SORBS2: variants seen among roughly 807,000 people sequenced by gnomAD.
SORBS2 encodes sorbin and SH3 domain-containing protein 2.
SORBS2 carries 46 observed loss-of-function variants against 97.7 expected under a neutral mutation model. The ratio of observed to expected loss-of-function variants is 0.47; its 90% CI spans 0.37 to 0.60. The LOEUF is 0.60. SORBS2 is among the 20% of genes least tolerant of loss of function. The pLI, the probability that SORBS2 is intolerant of heterozygous loss-of-function variation, is 0.00. For missense variants in SORBS2, 1,316 were observed against 1,282.3 expected, an observed-to-expected ratio of 1.03 and a Z score of -0.40; for synonymous variants, 476 against 473.4, an observed-to-expected ratio of 1.01 and a Z score of -0.07.
chr4:185,684,384 C>G lies in SORBS2; in HGVS notation c.-197-5562G>C, dbSNP rs1216831233. ...CTTTCAAAACTAATGTTCTATCATT[C>G]TGTTCACAACCTTTGACAAAGAATC... On this transcript the variant is annotated intron_variant, in intron 2 of 20. Coordinates refer to the SORBS2 transcript ENST00000284776. The surrounding 1 kb of genome is among the most constrained non-coding windows in gnomAD (Gnocchi z 4.2). 6.6e-6 allele frequency among the ~76,000 whole-genome samples: 1 copy of G among 152,104 alleles called. No individual in the cohort carries two copies. The highest frequency in any genetic ancestry group is 1.9e-4 in the East Asian group (1 of 5,202).
intron 1 of SORBS2, among the ~76,000 whole-genome samples, chr4:185,911,544 G>A (rs1240459777): frequency 3.3e-5 from 5 of 151,962 alleles, no homozygotes; most frequent in South Asian, 2.1e-4. Flanking sequence ...CCTTGAGTGC[G>A]CAAGTTTCCC....
intron 1 of SORBS2, among the ~76,000 whole-genome samples, chr4:185,804,462 C>T (rs1311476568): frequency 6.6e-6 from 1 of 152,198 alleles, no homozygotes; most frequent in Non-Finnish European, 1.5e-5. Flanking sequence ...AATAATACAA[C>T]ATGTAAAGTG....
At chr4:185,656,117 T>C (rs1410601077) in intron 1 of SORBS2, among the ~76,000 whole-genome samples, 1 of 152,204 alleles carries the variant, frequency 6.6e-6, no homozygotes, top group Non-Finnish European at 1.5e-5. Flanking sequence ...GTAATCATCA[T>C]AAAATGAAGA....
chr4:185,599,815 G>C (rs910868648), intron 12 of SORBS2, among the ~76,000 whole-genome samples: 2 of 152,292 alleles, frequency 1.3e-5, no homozygotes, highest in African/African-American at 2.4e-5. Context: ...CCAGGTGGTC[G>C]CTTCATCTTC....
At chr4:185,889,297 T>C (rs2099241273) in intron 1 of SORBS2, among the ~76,000 whole-genome samples, 1 of 152,114 alleles carries the variant, frequency 6.6e-6, no homozygotes. Context: ...AATGTTAAAA[T>C]AGAGAAAGAA....
At chr4:185,673,799 C>T (rs80282866) in intron 4 of SORBS2, among the ~76,000 whole-genome samples, 15 of 152,314 alleles carry the variant, frequency 9.8e-5, no homozygotes, top group African/African-American at 3.6e-4. Context: ...GCCTCCTTCC[C>T]CACTATGGAA....
chr4:185,918,728 C>T (rs1329407857), intron 1 of SORBS2, among the ~76,000 whole-genome samples: 2 of 152,212 alleles, frequency 1.3e-5, no homozygotes, highest in African/African-American at 4.8e-5. Context: ...ATCACGGTCA[C>T]AGCACCGAAA....
intron 1 of SORBS2, among the ~76,000 whole-genome samples, chr4:185,916,212 T>C (rs1481074276): frequency 1.3e-5 from 2 of 152,030 alleles, no homozygotes; most frequent in Non-Finnish European, 2.9e-5. Flanking sequence ...AATTTCAGAG[T>C]CCAGGTAGAA....
At position 185,785,035 on chromosome 4, in the gene SORBS2, C is replaced by G. The variant is rs535766748; in HGVS notation, c.-337-9669G>C. 2.6e-5 allele frequency among the ~76,000 whole-genome samples: 4 copies of G among 151,834 alleles called. No homozygotes were observed. The East Asian group carries it at 7.8e-4, about 29-fold the overall frequency. ...ATCAACAGGAAACACAAAACAGGAA[C>G]GCATTGTTTATTCTGTTCTCGGTGG... On this transcript the variant is annotated intron_variant, in intron 1 of 20. Coordinates refer to the SORBS2 transcript ENST00000284776.
exon 10 of SORBS2, chr4:185,615,122 G>C: frequency 6.2e-7 from 1 of 1,613,278 alleles, no homozygotes; most frequent in South Asian, 1.1e-5. Context: ...ATTTTCCTGA[G>C]GATGTAGACA....
At chr4:185,895,872 A>T (rs1053837367) in intron 1 of SORBS2, among the ~76,000 whole-genome samples, 4 of 152,296 alleles carry the variant, frequency 2.6e-5, no homozygotes, top group South Asian at 2.1e-4. Flanking sequence ...TCTTTTGAAA[A>T]TATTATTATC....
chr4:185,892,935 A>T (rs1362859301), intron 1 of SORBS2, among the ~76,000 whole-genome samples: 2 of 152,240 alleles, frequency 1.3e-5, no homozygotes, highest in Non-Finnish European at 2.9e-5. Flanking sequence ...GTTATTTAGA[A>T]AATGAGAATG....
chr4:185,746,614 G>A (rs1366160394), intron 2 of SORBS2, among the ~76,000 whole-genome samples: 1 of 152,104 alleles, frequency 6.6e-6, no homozygotes, highest in Non-Finnish European at 1.5e-5. Flanking sequence ...CACCGCGCCC[G>A]GCCTTATCTG....
chr4:185,668,650 G>C (rs1046341211), intron 4 of SORBS2, among the ~76,000 whole-genome samples: 4 of 152,218 alleles, frequency 2.6e-5, no homozygotes, highest in Non-Finnish European at 1.5e-5. Flanking sequence ...AGCAGGAAAG[G>C]TATGAAAGGG....
intron 2 of SORBS2, among the ~76,000 whole-genome samples, chr4:185,759,829 G>A (rs2098859130): frequency 1.3e-5 from 2 of 152,128 alleles, no homozygotes; most frequent in South Asian, 2.1e-4. Flanking sequence ...ATGGTCTTAT[G>A]TTACTAATAT....
At chr4:185,691,558 A>AT (rs5864951) in intron 2 of SORBS2, among the ~76,000 whole-genome samples, 4,008 of 152,014 alleles carry the variant, frequency 0.026, 164 homozygotes, top group African/African-American at 0.091. Flanking sequence ...TGTAACGCAT[A>AT]TTTTCAGGAC....
intron 1 of SORBS2, among the ~76,000 whole-genome samples, chr4:185,879,176 C>CGCCCA (rs1491475757): frequency 1.2e-5 from 1 of 85,188 alleles, no homozygotes; most frequent in Non-Finnish European, 2.3e-5. Flanking sequence ...CCCCCCCCCC[C>CGCCCA]ACCCCACGAC....
chr4:185,595,733 T>A (rs1330681186), intron 12 of SORBS2, among the ~76,000 whole-genome samples: 1 of 151,702 alleles, frequency 6.6e-6, no homozygotes, highest in Non-Finnish European at 1.5e-5. Flanking sequence ...TCCTCTCTTT[T>A]TTTTTTAGTT....
At chr4:185,625,901 C>T (rs2096802590) in intron 6 of SORBS2, among the ~76,000 whole-genome samples, 5 of 152,234 alleles carry the variant, frequency 3.3e-5, no homozygotes, top group Admixed American at 3.3e-4. Context: ...ATAGGTGTAG[C>T]TGAATTGGTC....
Sources: gnomAD v4.1 joint callset for allele counts (sites outside exome capture counted in the v4.1 genomes callset) on GRCh38, gnomAD v4.1.1 for gene constraint, Gnocchi (gnomAD v3.1) non-coding constraint, MANE v1.5 for transcripts, NCBI Gene and HGNC (gene_info 2026-07-23, HGNC 2026-07-21) for gene names.